PKHD1: variants seen among roughly 807,000 people sequenced by gnomAD.
PKHD1 encodes fibrocystin.
A neutral mutation model predicts 412.0 loss-of-function variants in PKHD1; 291 were observed. The ratio of observed to expected loss-of-function variants is 0.71; its 90% CI spans 0.64 to 0.78. PKHD1 has a LOEUF of 0.78. PKHD1 is among the 30% of genes least tolerant of loss of function. The probability of loss-of-function intolerance (pLI) is 0.00; values close to 1 mark genes in which losing one functional copy is unlikely to be tolerated. For missense variants in PKHD1, 4,825 were observed against 4,950.7 expected, an observed-to-expected ratio of 0.97 and a Z score of 0.76; for synonymous variants, 1,777 against 1,821.5, an observed-to-expected ratio of 0.98 and a Z score of 0.62.
chr6:51,921,255 C>A (rs1371058027), intron 37 of PKHD1, among the ~76,000 whole-genome samples: 1 of 152,086 alleles, frequency 6.6e-6, no homozygotes, highest in Non-Finnish European at 1.5e-5. Context: ...CTCTTGTGGG[C>A]AATTAGTGCG....
intron 43 of PKHD1, among the ~76,000 whole-genome samples, chr6:51,888,212 G>A (rs35474162): frequency 0.092 from 13,940 of 152,184 alleles, 1,037 homozygotes; most frequent in African/African-American, 0.21. Context: ...CTATTAAGTC[G>A]CCTTGATATT....
chr6:51,829,010 GT>G, intron 52 of PKHD1, among the ~76,000 whole-genome samples: 1 of 152,194 alleles, frequency 6.6e-6, no homozygotes, highest in Non-Finnish European at 1.5e-5. Flanking sequence ...TTACACACCT[GT>G]TTTTCACTCA....
chr6:51,993,068 C>T (rs1483286838), intron 35 of PKHD1, among the ~76,000 whole-genome samples: 4 of 152,214 alleles, frequency 2.6e-5, no homozygotes, highest in African/African-American at 9.7e-5. Context: ...ACTACCAGTC[C>T]GGATTTGCTA....
intron 37 of PKHD1, among the ~76,000 whole-genome samples, chr6:51,928,728 A>T (rs1266689089): frequency 6.6e-6 from 1 of 152,162 alleles, no homozygotes; most frequent in Non-Finnish European, 1.5e-5. Flanking sequence ...GGAAGTCCCA[A>T]TAACCATAGA....
In PKHD1 at chr6:51,871,342, G is replaced by A. The variant is rs191105670; in HGVS notation, c.7351-703C>T. On this transcript the variant is annotated intron_variant, in intron 46 of 66. Transcript: ENST00000371117. The stretch of plus-strand genomic sequence containing the variant: ...TCTATCTAATGGAATACTATTCGTC[G>A]ATAATAAGGAATGTAATATTGATAT... Among the ~76,000 whole-genome samples, 318 of 55,138 alleles carry A rather than the reference G, an allele frequency of 5.8e-3. 63 individuals carry two copies. The highest frequency in any genetic ancestry group is 0.014 in the African/African-American group (309 of 21,378). The allele number at this position is 55,138 out of a possible 152,430, so 36.2% of individuals were successfully genotyped here. A position where few individuals can be genotyped will look rare whatever the true frequency, so the allele number is the denominator to read the frequency against.
At chr6:51,797,738 T>C (rs1794825353) in intron 52 of PKHD1, among the ~76,000 whole-genome samples, 1 of 152,152 alleles carries the variant, frequency 6.6e-6, no homozygotes. Context: ...CACTGATGGG[T>C]CTTGGTTCTT....
At chr6:51,956,268 G>A (rs1367299739) in intron 36 of PKHD1, among the ~76,000 whole-genome samples, 2 of 150,958 alleles carry the variant, frequency 1.3e-5, no homozygotes, top group Non-Finnish European at 3.0e-5. Flanking sequence ...ATATGTATAT[G>A]TGAATATGTA....
In PKHD1 at chr6:52,024,813, C is replaced by T. The variant is rs1250415484; in HGVS notation, c.4997G>A (p.Ser1666Asn). ...FTPELISISQ[S>N]DDILTFAVAQ... Reference sequence around the variant, plus strand: ...CACTGCAAAGGTTAAGATGTCATCGCTCTGAGAAATAGAGATCAATTCTGG... The same window carrying T: ...CACTGCAAAGGTTAAGATGTCATCGTTCTGAGAAATAGAGATCAATTCTGG... Residue 1666 changes from serine (S) to asparagine (N), a missense_variant, in exon 32 of 67, where the codon AGC becomes AAC. Coordinates refer to ENST00000371117, the MANE Select transcript of PKHD1 (RefSeq NM_138694.4). The T allele has an allele frequency of 1.2e-6, 2 of 1,614,216 alleles. No homozygotes were observed. The highest frequency in any genetic ancestry group is 1.7e-6 in the Non-Finnish European group (2 of 1,180,034).
chr6:51,973,719 G>C (rs968627046), intron 35 of PKHD1, among the ~76,000 whole-genome samples: 7 of 152,162 alleles, frequency 4.6e-5, no homozygotes, highest in Admixed American at 3.9e-4. Context: ...TCCCAACTTT[G>C]GGGAATTACA....
chr6:51,890,486 C>T (rs1778935227), intron 43 of PKHD1, among the ~76,000 whole-genome samples: 1 of 151,458 alleles, frequency 6.6e-6, no homozygotes, highest in Non-Finnish European at 1.5e-5. Context: ...AGGGAAATTC[C>T]AGAGAGAAAT....
At chr6:51,788,400 C>A (rs1184266787) in intron 53 of PKHD1, among the ~76,000 whole-genome samples, 2 of 149,034 alleles carry the variant, frequency 1.3e-5, no homozygotes, top group Non-Finnish European at 3.0e-5. Context: ...TGTGGCTGAC[C>A]TATGTGTACT....
At position 52,022,942 on chromosome 6, in the gene PKHD1, A is replaced by G. The variant is rs753064162; in HGVS notation, c.5239T>C (p.Cys1747Arg). Residue 1747 changes from cysteine (C) to arginine (R), a missense_variant and splice_region_variant, in exon 33 of 67, where the codon TGC becomes CGC. Coordinates refer to ENST00000371117, the MANE Select transcript of PKHD1 (RefSeq NM_138694.4). Reference sequence around the variant, plus strand: ...ACATGCACCAGCCTTCCACCCAGGCAGCCTTTAAAGACAAAGGTACAAGTT... The same window carrying G: ...ACATGCACCAGCCTTCCACCCAGGCGGCCTTTAAAGACAAAGGTACAAGTT... ...IITAVTENFG[C>R]LGGRLVHVFG... The G allele has an allele frequency of 3.7e-5, 60 of 1,614,018 alleles. No individual in the cohort carries two copies. The highest frequency in any genetic ancestry group is 4.7e-5 in the Non-Finnish European group (56 of 1,180,042).
intron 60 of PKHD1, among the ~76,000 whole-genome samples, chr6:51,713,441 A>T (rs1780880121): frequency 6.6e-6 from 1 of 152,116 alleles, no homozygotes; most frequent in African/African-American, 2.4e-5. Context: ...TCCTCTACTC[A>T]CTATGAAGCC....
intron 41 of PKHD1, among the ~76,000 whole-genome samples, chr6:51,905,344 C>T (rs144613564): frequency 3.3e-5 from 5 of 152,218 alleles, no homozygotes; most frequent in African/African-American, 1.2e-4. Flanking sequence ...GGTATAAAGA[C>T]ATTAATCAGA....
At chr6:52,067,643 C>T (rs1381069434) in intron 11 of PKHD1, among the ~76,000 whole-genome samples, 1 of 152,034 alleles carries the variant, frequency 6.6e-6, no homozygotes, top group African/African-American at 2.4e-5. Flanking sequence ...TAATCTGAGT[C>T]TTAAAGGATG....
intron 53 of PKHD1, 110 bp from the exon 54 acceptor site, chr6:51,776,031 T>C (rs1457604076): frequency 1.5e-6 from 1 of 653,650 alleles, no homozygotes; most frequent in Non-Finnish European, 2.8e-6. Flanking sequence ...TGAAGTAGAC[T>C]ATATGGAGGA....
At chr6:51,671,618 G>C (rs1051341433) in intron 60 of PKHD1, among the ~76,000 whole-genome samples, 3 of 152,120 alleles carry the variant, frequency 2.0e-5, no homozygotes, top group African/African-American at 7.2e-5. Flanking sequence ...GAGGAGGAGA[G>C]GCGCTCTGCT....
At chr6:51,986,257 G>C (rs1244830497) in intron 35 of PKHD1, among the ~76,000 whole-genome samples, 1 of 152,220 alleles carries the variant, frequency 6.6e-6, no homozygotes, top group Non-Finnish European at 1.5e-5. Context: ...TGACTAATGA[G>C]AAATGAAGGG....
intron 35 of PKHD1, among the ~76,000 whole-genome samples, chr6:51,962,047 G>A (rs2127956938): frequency 6.6e-6 from 1 of 152,194 alleles, no homozygotes; most frequent in South Asian, 2.1e-4. Context: ...GGAGGAGAAG[G>A]AGATATATCT....
Sources: allele counts gnomAD v4.1 joint callset (sites outside exome capture counted in the v4.1 genomes callset), GRCh38; gene constraint gnomAD v4.1.1; transcripts MANE v1.5; gene names NCBI Gene and HGNC (gene_info 2026-07-23, HGNC 2026-07-21).